The following GRM5 variants were observed in gnomAD, a reference collection of about 807,000 sequenced individuals.
GRM5 encodes glutamate metabotropic receptor 5, also known as metabotropic glutamate receptor 5.
A neutral mutation model predicts 83.1 loss-of-function variants in GRM5; 19 were observed. The ratio of observed to expected loss-of-function variants is 0.23; its 90% CI spans 0.16 to 0.34. The LOEUF is 0.34. GRM5 is among the 10% of genes least tolerant of loss of function. The probability of loss-of-function intolerance (pLI) is 1.00; values close to 1 mark genes in which losing one functional copy is unlikely to be tolerated. For missense variants in GRM5, 1,160 were observed against 1,588.3 expected (o/e 0.73, Z 4.58); for synonymous variants, 675 against 633.6 (o/e 1.07, Z -0.98).
chr11:88,526,574 G>A (rs1482753514), intron 8 of GRM5, among the ~76,000 whole-genome samples: 1 of 152,066 alleles, frequency 6.6e-6, no homozygotes, highest in East Asian at 1.9e-4. Context: ...AGTAGGCTAT[G>A]ATAAAGGGAG....
intron 2 of GRM5, among the ~76,000 whole-genome samples, chr11:88,888,608 G>A (rs1239445155): frequency 1.3e-5 from 2 of 152,092 alleles, no homozygotes; most frequent in Non-Finnish European, 2.9e-5. Flanking sequence ...AGCATGACAT[G>A]CCGGCAAAAA....
rs189602618 is a variant in GRM5, at chr11:88,913,997, A to C, written c.662-63842T>G. The stretch of plus-strand genomic sequence containing the variant: ...GCTCCTTTAATCCTGATCACATACC[A>C]TATGCATTCCTTTCGTAGAACCATC... On this transcript the variant is annotated intron_variant, in intron 2 of 9. Coordinates refer to ENST00000305447, the MANE Select transcript of GRM5 (RefSeq NM_001143831.3). 8.9e-3 allele frequency among the ~76,000 whole-genome samples: 1,348 copies of C among 152,134 alleles called. 27 individuals carry two copies. Among genetic ancestry groups the C allele is most frequent in the South Asian group, 0.015 (70 of 4,822 alleles).
intron 8 of GRM5, among the ~76,000 whole-genome samples, chr11:88,556,926 G>T (rs1023198013): frequency 2.6e-5 from 4 of 152,034 alleles, no homozygotes; most frequent in Non-Finnish European, 4.4e-5. Flanking sequence ...TGCATTTAGG[G>T]TTATTTCTCT....
intron 2 of GRM5, among the ~76,000 whole-genome samples, chr11:88,918,532 A>G (rs950208757): frequency 6.6e-6 from 1 of 152,078 alleles, no homozygotes; most frequent in Non-Finnish European, 1.5e-5. Flanking sequence ...GACATTAAGG[A>G]GCAATAAGAA....
At chr11:88,537,360 G>A (rs1424570601) in intron 8 of GRM5, among the ~76,000 whole-genome samples, 7 of 152,142 alleles carry the variant, frequency 4.6e-5, no homozygotes, top group Non-Finnish European at 8.8e-5. Flanking sequence ...AAATCTGAAG[G>A]CTGTAAAAGA....
Position 88,849,938 on chromosome 11 carries a change from C to T in GRM5, c.879G>A (p.Leu293=), listed in dbSNP as rs745927226. The change falls in exon 3 of 10, where the codon CTG becomes CTA. Residue 293 remains leucine (L), a synonymous_variant. Transcript: ENST00000305447. ...VRGLLMAMRR[L]GLAGEFLLLG... ...GAAGCAGAAATTCTCCCGCTAGACC[C>T]AGGCGCCTCATGGCCATCAGCAGAC... 1.6e-5 allele frequency: 26 copies of T among 1,614,008 alleles called. No individual in the cohort carries two copies. The South Asian group carries it at 2.7e-4, about 17-fold the overall frequency.
At chr11:88,652,457 CACTT>C (rs1565172570) in intron 4 of GRM5, among the ~76,000 whole-genome samples, 2 of 151,936 alleles carry the variant, frequency 1.3e-5, no homozygotes, top group Non-Finnish European at 2.9e-5. Context: ...TTATTTTAAA[CACTT>C]AGTTATCATA....
chr11:88,575,253 T>C (rs188522743), intron 7 of GRM5, among the ~76,000 whole-genome samples: 1 of 152,298 alleles, frequency 6.6e-6, no homozygotes, highest in Non-Finnish European at 1.5e-5. Flanking sequence ...ATGCCTACTA[T>C]ATATCATGTG....
intron 3 of GRM5, among the ~76,000 whole-genome samples, chr11:88,714,432 T>A (rs1037826740): frequency 3.3e-5 from 5 of 152,016 alleles, no homozygotes; most frequent in Admixed American, 6.6e-5. Context: ...AAGCATTGTG[T>A]TCATTCATGG....
intron 2 of GRM5, among the ~76,000 whole-genome samples, chr11:88,887,499 A>G (rs1422249597): frequency 6.6e-6 from 1 of 152,142 alleles, no homozygotes; most frequent in Non-Finnish European, 1.5e-5. Context: ...ACAGAGGACT[A>G]GAGCCACTTG....
chr11:88,651,710 A>G (rs907182736), intron 4 of GRM5, among the ~76,000 whole-genome samples: 4 of 152,066 alleles, frequency 2.6e-5, no homozygotes, highest in African/African-American at 9.7e-5. Flanking sequence ...AGAAGCAAAC[A>G]TACTCTCACA....
chr11:88,629,613 C>A (rs1351812851), intron 4 of GRM5, among the ~76,000 whole-genome samples: 1 of 152,100 alleles, frequency 6.6e-6, no homozygotes, highest in Non-Finnish European at 1.5e-5. Flanking sequence ...TCTACTTGGC[C>A]ACTTACCCAT....
chr11:88,572,792 C>T (rs1377702839), intron 7 of GRM5, among the ~76,000 whole-genome samples: 1 of 152,022 alleles, frequency 6.6e-6, no homozygotes, highest in Non-Finnish European at 1.5e-5. Flanking sequence ...CTGTTTCATC[C>T]TTACTGTAAT....
chr11:88,634,862 G>A (rs938192711), intron 4 of GRM5, among the ~76,000 whole-genome samples: 2 of 152,154 alleles, frequency 1.3e-5, no homozygotes, highest in African/African-American at 4.8e-5. Context: ...CCACACATAT[G>A]AGTAATGTGT....
intron 3 of GRM5, among the ~76,000 whole-genome samples, chr11:88,707,126 G>T (rs532976419): frequency 1.3e-4 from 20 of 152,090 alleles, no homozygotes; most frequent in African/African-American, 3.9e-4. Flanking sequence ...TTAAGAGTGT[G>T]GTATTGGTAC....
chr11:89,061,899 T>C (rs1942002416), intron 1 of GRM5, among the ~76,000 whole-genome samples: 1 of 152,194 alleles, frequency 6.6e-6, no homozygotes, highest in African/African-American at 2.4e-5. Context: ...AATTAAAATA[T>C]CTAGATTGTA....
In GRM5 at chr11:89,047,459, G is replaced by T. The variant is rs762540809; in HGVS notation, c.414C>A (p.Arg138=). ...RCVDGSSSSF[R]SKKPIVGVIG... is the part of the protein sequence containing the mutation. ...TGACCCCTACTATGGGCTTCTTGGAGCGGAAGGAAGAGGAGGAGCCATCCA... is the reference window on the plus strand; with the variant it reads ...TGACCCCTACTATGGGCTTCTTGGATCGGAAGGAAGAGGAGGAGCCATCCA... Residue 138 remains arginine, a synonymous_variant, in exon 2 of 10, where the codon CGC becomes CGA. Transcript: ENST00000305447. This position sits in a 1 kb window ranked among gnomAD's most constrained non-coding sequence, Gnocchi z 5.1. 21 of 1,614,186 alleles carry T rather than the reference G, an allele frequency of 1.3e-5. No homozygotes were observed. In the East Asian group the frequency reaches 4.5e-4, roughly 34 times the overall value.
chr11:88,752,072 T>C (rs1287303618), intron 3 of GRM5, among the ~76,000 whole-genome samples: 1 of 152,194 alleles, frequency 6.6e-6, no homozygotes, highest in Admixed American at 6.5e-5. Flanking sequence ...TCACACCTCC[T>C]ATTAAACATA....
At chr11:88,625,359 T>C (rs567580670) in intron 4 of GRM5, among the ~76,000 whole-genome samples, 2 of 152,248 alleles carry the variant, frequency 1.3e-5, no homozygotes, top group South Asian at 2.1e-4. Context: ...TTTGAATCCA[T>C]AGTACCTCTG....
Sources: allele counts gnomAD v4.1 joint callset (sites outside exome capture counted in the v4.1 genomes callset), GRCh38; gene constraint gnomAD v4.1.1; non-coding constraint Gnocchi (gnomAD v3.1); transcripts MANE v1.5; gene names NCBI Gene and HGNC (gene_info 2026-07-23, HGNC 2026-07-21).